Variants in TPD52L2 observed in about 807,000 individuals in gnomAD.
The protein encoded by TPD52L2 is tumor protein D54.
TPD52L2 carries 19 observed loss-of-function variants against 24.7 expected under a neutral mutation model. That is an observed-to-expected ratio of 0.77 (90% CI 0.54 to 1.13). TPD52L2 has a LOEUF of 1.13. TPD52L2 is among the 50% of genes most tolerant of loss of function. The probability of loss-of-function intolerance (pLI) is 0.00; values close to 1 mark genes in which losing one functional copy is unlikely to be tolerated. For synonymous variants in TPD52L2, 104 were observed against 100.2 expected, an observed-to-expected ratio of 1.04 and a Z score of -0.23; for missense variants, 236 against 250.4, an observed-to-expected ratio of 0.94 and a Z score of 0.39.
At chr20:63,886,579 G>A (rs1024134083) in intron 5 of TPD52L2, among the ~76,000 whole-genome samples, 9 of 151,480 alleles carry the variant, frequency 5.9e-5, no homozygotes, top group South Asian at 2.1e-4. Flanking sequence ...TCGATCTCCC[G>A]ACCTCGTGAT....
chr20:63,887,405 G>A, intron 5 of TPD52L2: 1 of 865,612 alleles, frequency 1.2e-6, no homozygotes, highest in Non-Finnish European at 1.9e-6. Flanking sequence ...CTGGGGTCGA[G>A]TTTCCTTCGG....
chr20:63,884,326 T>A (rs561737843), intron 5 of TPD52L2, among the ~76,000 whole-genome samples: 1 of 152,354 alleles, frequency 6.6e-6, no homozygotes, highest in East Asian at 1.9e-4. Context: ...CCGAAAATGC[T>A]GGTCTCACCA....
intron 5 of TPD52L2, chr20:63,885,977 A>G: frequency 1.9e-6 from 3 of 1,613,124 alleles, no homozygotes; most frequent in Non-Finnish European, 2.5e-6. Flanking sequence ...TCCCTTGCTT[A>G]CACTTCGTTT....
In TPD52L2 at chr20:63,866,910, T is replaced by C. The variant is rs896077679; in HGVS notation, c.19+1526T>C. 9.2e-5 allele frequency among the ~76,000 whole-genome samples: 14 copies of C among 151,844 alleles called. 1 individual carries two copies. Among genetic ancestry groups the C allele is most frequent in the Non-Finnish European group, 2.1e-4 (14 of 67,934 alleles). On this transcript the variant is annotated intron_variant, in intron 1 of 6. Transcript: ENST00000346249. ...CGTCAGCCTCCCAGGTAGCTGGGAC[T>C]ATAAGACTACAGGCGCACCATGCCA...
intron 1 of TPD52L2, 151 bp downstream of exon 1, chr20:63,865,535 G>C: frequency 9.2e-7 from 1 of 1,082,942 alleles, no homozygotes; most frequent in Non-Finnish European, 1.3e-6. Flanking sequence ...CACTGACCTC[G>C]AAGCTTATGA....
At position 63,890,164 on chromosome 20, in the gene TPD52L2, CAG is replaced by C; in HGVS notation, c.*221_*222del. ...TTTACACTCACGTTTGTAGATGAAA[CAG>C]ATCACTGTGCTGTCCTTCCTAGGGG... On this transcript the variant is annotated 3_prime_UTR_variant, in exon 7 of 7. Coordinates refer to ENST00000346249, the MANE Select transcript of TPD52L2 (RefSeq NM_003288.4). 1 of 1,078,142 alleles carries C rather than the reference CAG, an allele frequency of 9.3e-7. No homozygotes were observed. The highest frequency in any genetic ancestry group is 1.6e-5 in the South Asian group (1 of 62,362). The allele number at this position is 1,078,142 out of a possible 1,614,324, so 66.8% of individuals were successfully genotyped here. A position where few individuals can be genotyped will look rare whatever the true frequency, so the allele number is the denominator to read the frequency against.
At chr20:63,865,785 G>A (rs1192430653) in intron 1 of TPD52L2, among the ~76,000 whole-genome samples, 1 of 151,786 alleles carries the variant, frequency 6.6e-6, no homozygotes, top group Non-Finnish European at 1.5e-5. Flanking sequence ...ACGCTGTCTG[G>A]CCCTGGACCC....
intron 3 of TPD52L2, among the ~76,000 whole-genome samples, chr20:63,874,331 C>T (rs1001013734): frequency 6.6e-6 from 1 of 150,380 alleles, no homozygotes; most frequent in Non-Finnish European, 1.5e-5. Context: ...CCACCCACCT[C>T]AGCCTCCCAA....
At chr20:63,867,776 T>C (rs1391574703) in intron 1 of TPD52L2, among the ~76,000 whole-genome samples, 1 of 151,184 alleles carries the variant, frequency 6.6e-6, no homozygotes, top group East Asian at 1.9e-4. Flanking sequence ...TTTTTTTTCT[T>C]TTTCTTTTCT....
chr20:63,871,077 C>G (rs1321479188), intron 2 of TPD52L2, among the ~76,000 whole-genome samples: 2 of 152,104 alleles, frequency 1.3e-5, no homozygotes, highest in Non-Finnish European at 2.9e-5. Context: ...GAGTCTTGCT[C>G]TGTCGCCCAG....
Position 63,889,950 on chromosome 20 carries a change from G to A in TPD52L2, c.*5G>A. Reference sequence around the variant, plus strand: ...TCGGATCCCGCACCTTTCTAAGCCTGTGGTTGCTTCACCCGCTGCAGAGCA... The same window carrying A: ...TCGGATCCCGCACCTTTCTAAGCCTATGGTTGCTTCACCCGCTGCAGAGCA... On this transcript the variant is annotated 3_prime_UTR_variant, in exon 7 of 7. Coordinates refer to ENST00000346249, the MANE Select transcript of TPD52L2 (RefSeq NM_003288.4). The A allele has an allele frequency of 6.2e-7, 1 of 1,614,058 alleles. No individual in the cohort carries two copies. Among genetic ancestry groups the A allele is most frequent in the Non-Finnish European group, 8.5e-7 (1 of 1,180,044 alleles).
intron 5 of TPD52L2, chr20:63,887,446 T>C: frequency 1.8e-6 from 2 of 1,142,010 alleles, no homozygotes; most frequent in South Asian, 2.5e-5. Context: ...GGCAGCTCGC[T>C]CCAACTGCTG....
At chr20:63,886,797 A>G (rs1370665861) in intron 5 of TPD52L2, 1 of 151,464 alleles carries the variant, frequency 6.6e-6, no homozygotes, top group Non-Finnish European at 1.5e-5. Flanking sequence ...GGCATGAGCC[A>G]CCACGCCTGG....
In TPD52L2 at chr20:63,877,075, G is replaced by C. The variant is rs2052714925; in HGVS notation, c.374+1200G>C. 1 of 429,924 alleles carries C rather than the reference G, an allele frequency of 2.3e-6. No homozygotes were observed. The highest frequency in any genetic ancestry group is 7.0e-5 in the East Asian group (1 of 14,282). 26.6% of individuals were successfully genotyped at this position (429,924 alleles called of 1,614,324 possible). A position where few individuals can be genotyped will look rare whatever the true frequency, so the allele number is the denominator to read the frequency against. On this transcript the variant is annotated intron_variant, in intron 4 of 6. Transcript: ENST00000346249. This position sits in a 1 kb window ranked among gnomAD's most constrained non-coding sequence, Gnocchi z 4.1. ...ACGTCTCGTTCTGTCTCCCAGGCTG[G>C]AGTGCAGTGGCGCCATCTGGGCTCA... is the stretch of plus-strand genomic sequence containing the variant.
rs1461612850 is a variant in TPD52L2 at position 63,869,396 on chromosome 20, T to A, written c.120T>A (p.Gly40=). Residue 40 remains glycine, a synonymous_variant, in exon 2 of 7, where the codon GGT becomes GGA. Coordinates refer to ENST00000346249, the MANE Select transcript of TPD52L2 (RefSeq NM_003288.4). ...CTGCCCGGACTCCTGCTGTTGAGGG[T>A]CTGACAGAGGCTGAGGAGGAGGAGC... ...GVAARTPAVE[G]LTEAEEEELR... 1 of 1,614,182 alleles carries A rather than the reference T, an allele frequency of 6.2e-7. No individual in the cohort carries two copies. The highest frequency in any genetic ancestry group is 1.7e-5 in the Admixed American group (1 of 60,026).
At chr20:63,867,728 A>G (rs748034028) in intron 1 of TPD52L2, among the ~76,000 whole-genome samples, 2 of 151,874 alleles carry the variant, frequency 1.3e-5, no homozygotes, top group Non-Finnish European at 2.9e-5. Context: ...AAGTGCATTT[A>G]ATCTGGTGTC....
intron 5 of TPD52L2, chr20:63,886,012 C>G (rs780116322): frequency 6.2e-7 from 1 of 1,614,176 alleles, no homozygotes; most frequent in Non-Finnish European, 8.5e-7. Context: ...CTGCCACCTT[C>G]CAGGGCTCAT....
At chr20:63,865,429 G>A (rs1266313911) in intron 1 of TPD52L2, 45 bp downstream of exon 1, 5 of 1,503,910 alleles carry the variant, frequency 3.3e-6, no homozygotes, top group Non-Finnish European at 2.7e-6. Flanking sequence ...GGCCCAGGCT[G>A]CCCGTTGTTC....
chr20:63,866,660 A>G (rs2052249016), intron 1 of TPD52L2, among the ~76,000 whole-genome samples: 1 of 143,370 alleles, frequency 7.0e-6, no homozygotes. Flanking sequence ...ACGGGGTTTC[A>G]CTGTTAGCCA....
Sources: gnomAD v4.1 joint callset for allele counts (sites outside exome capture counted in the v4.1 genomes callset) on GRCh38, gnomAD v4.1.1 for gene constraint, Gnocchi (gnomAD v3.1) non-coding constraint, MANE v1.5 for transcripts, NCBI Gene and HGNC (gene_info 2026-07-23, HGNC 2026-07-21) for gene names.